RBFOX1: variants seen among roughly 807,000 people sequenced by gnomAD.
RBFOX1 encodes RNA binding fox-1 homolog 1, also known as RNA binding protein fox-1 homolog 1.
A neutral mutation model predicts 57.7 loss-of-function variants in RBFOX1; 8 were observed. The ratio of observed to expected loss-of-function variants is 0.14; its 90% CI spans 0.08 to 0.25. The LOEUF (loss-of-function observed/expected upper bound fraction) is 0.25. Among genes scored for constraint, RBFOX1 ranks in the 10% least tolerant of loss-of-function variants. RBFOX1 has a pLI of 1.00. For synonymous variants in RBFOX1, 326 were observed against 222.4 expected (o/e 1.47, Z -4.15); for missense variants, 611 against 548.5 (o/e 1.11, Z -1.14).
chr16:5,314,342 C>T (rs2064173344), intron 1 of RBFOX1, among the ~76,000 whole-genome samples: 1 of 152,118 alleles, frequency 6.6e-6, no homozygotes, highest in South Asian at 2.1e-4. Context: ...GAGTGGTAGA[C>T]CCGTGCCCCA....
chr16:7,068,683 G>A (rs1322509470), intron 4 of RBFOX1, among the ~76,000 whole-genome samples: 2 of 152,126 alleles, frequency 1.3e-5, no homozygotes, highest in Non-Finnish European at 2.9e-5. Flanking sequence ...GCCCCTCCGG[G>A]TTCAGGAGAT....
At chr16:5,259,008 G>T (rs1326428776) in intron 1 of RBFOX1, among the ~76,000 whole-genome samples, 1 of 152,086 alleles carries the variant, frequency 6.6e-6, no homozygotes, top group Non-Finnish European at 1.5e-5. Context: ...CCCCTCCTGT[G>T]GGGAGGAGGG....
chr16:5,871,045 C>T (rs188696495), intron 4 of RBFOX1, among the ~76,000 whole-genome samples: 1 of 152,312 alleles, frequency 6.6e-6, no homozygotes, highest in Admixed American at 6.5e-5. Flanking sequence ...ATGTGAATAA[C>T]GTTTGCTAAA....
chr16:5,993,797 C>T (rs991120884), intron 4 of RBFOX1, among the ~76,000 whole-genome samples: 9 of 152,110 alleles, frequency 5.9e-5, no homozygotes, highest in Admixed American at 2.6e-4. Flanking sequence ...TATTGCCGCT[C>T]ATATGGCCGA....
chr16:5,992,133 A>G (rs1188630593), intron 4 of RBFOX1, among the ~76,000 whole-genome samples: 1 of 152,180 alleles, frequency 6.6e-6, no homozygotes, highest in Non-Finnish European at 1.5e-5. Flanking sequence ...GACTACATTT[A>G]CCTTGACATA....
intron 3 of RBFOX1, among the ~76,000 whole-genome samples, chr16:6,955,677 TTAGG>T (rs1227721223): frequency 2.0e-4 from 21 of 105,340 alleles, no homozygotes; most frequent in African/African-American, 5.8e-4. Context: ...CTTTATTTAT[TTAGG>T]TATGTATGTA....
At chr16:5,351,787 C>G (rs1293485006) in intron 1 of RBFOX1, among the ~76,000 whole-genome samples, 1 of 152,048 alleles carries the variant, frequency 6.6e-6, no homozygotes, top group Non-Finnish European at 1.5e-5. Flanking sequence ...AAGCTTTAGG[C>G]TCTAAGTCTC....
intron 3 of RBFOX1, among the ~76,000 whole-genome samples, chr16:5,622,860 C>T (rs1443295341): frequency 2.0e-5 from 3 of 152,316 alleles, no homozygotes; most frequent in African/African-American, 4.8e-5. Flanking sequence ...GCGTCTGAAC[C>T]CAACATGTGC....
chr16:7,396,264 C>T (rs1260161575), intron 4 of RBFOX1, among the ~76,000 whole-genome samples: 3 of 152,184 alleles, frequency 2.0e-5, no homozygotes, highest in African/African-American at 4.8e-5. Context: ...ACCGGCTGCT[C>T]CTTCTTGCCT....
At chr16:7,304,915 G>GGT (rs59599069) in intron 4 of RBFOX1, among the ~76,000 whole-genome samples, 2,264 of 140,512 alleles carry the variant, frequency 0.016, 20 homozygotes, top group Non-Finnish European at 0.021. Flanking sequence ...TGTGTGGTGT[G>GGT]GTGTGTGTGT....
chr16:5,447,057 A>C (rs2068263518), intron 1 of RBFOX1, among the ~76,000 whole-genome samples: 1 of 151,840 alleles, frequency 6.6e-6, no homozygotes, highest in Non-Finnish European at 1.5e-5. Flanking sequence ...TCTCTAAGCA[A>C]ACAAACCATC....
chr16:6,305,602 C>T (rs2079407853), intron 1 of RBFOX1, among the ~76,000 whole-genome samples: 1 of 151,134 alleles, frequency 6.6e-6, no homozygotes, highest in African/African-American at 2.4e-5. Context: ...TTCAATATGA[C>T]TCAAGTAGGT....
chr16:5,576,240 G>A (rs1391318165), intron 2 of RBFOX1, among the ~76,000 whole-genome samples: 2 of 152,178 alleles, frequency 1.3e-5, no homozygotes, highest in Admixed American at 1.3e-4. Flanking sequence ...AGGCTGGAGT[G>A]CAGTGGTCTC....
intron 4 of RBFOX1, among the ~76,000 whole-genome samples, chr16:7,472,462 A>T (rs769190774): frequency 5.9e-5 from 9 of 152,174 alleles, no homozygotes; most frequent in Non-Finnish European, 1.5e-5. Context: ...TAAGTCTGAA[A>T]CCAGTGTTAT....
intron 1 of RBFOX1, among the ~76,000 whole-genome samples, chr16:5,392,707 G>A (rs2066447097): frequency 6.6e-6 from 1 of 151,834 alleles, no homozygotes; most frequent in Non-Finnish European, 1.5e-5. Flanking sequence ...CGTACCTTTG[G>A]GAAAGAAACA....
intron 4 of RBFOX1, among the ~76,000 whole-genome samples, chr16:7,406,599 G>C (rs542953986): frequency 3.3e-5 from 5 of 152,328 alleles, no homozygotes; most frequent in African/African-American, 7.2e-5. Flanking sequence ...CCGGAATCCA[G>C]TGTTGGCCTG....
At chr16:5,393,538 C>G (rs923545909) in intron 1 of RBFOX1, among the ~76,000 whole-genome samples, 2 of 152,122 alleles carry the variant, frequency 1.3e-5, no homozygotes, top group African/African-American at 2.4e-5. Flanking sequence ...ATGAATGGGT[C>G]TTTCTGAGGA....
intron 3 of RBFOX1, among the ~76,000 whole-genome samples, chr16:6,709,383 T>G (rs1382002277): frequency 1.3e-5 from 2 of 152,198 alleles, no homozygotes; most frequent in Non-Finnish European, 2.9e-5. Context: ...CATGCATCAC[T>G]TGTTATTCTG....
intron 4 of RBFOX1, among the ~76,000 whole-genome samples, chr16:7,434,153 G>A (rs2098703813): frequency 1.3e-5 from 2 of 151,982 alleles, no homozygotes; most frequent in Admixed American, 1.3e-4. Flanking sequence ...GAGCTTAGGA[G>A]ATGACAGACA....
Sources: gnomAD v4.1 joint callset for allele counts (sites outside exome capture counted in the v4.1 genomes callset) on GRCh38, gnomAD v4.1.1 for gene constraint, MANE v1.5 for transcripts, NCBI Gene and HGNC (gene_info 2026-07-23, HGNC 2026-07-21) for gene names.